Variants in ELMO1 observed in about 807,000 individuals in gnomAD.
The protein encoded by ELMO1 is engulfment and cell motility 1.
A neutral mutation model predicts 98.9 loss-of-function variants in ELMO1; 26 were observed. The ratio of observed to expected loss-of-function variants is 0.26; its 90% confidence interval spans 0.19 to 0.36. The LOEUF is 0.36. Among genes scored for constraint, ELMO1 ranks in the 10% least tolerant of loss-of-function variants. The pLI, the probability that ELMO1 is intolerant of heterozygous loss-of-function variation, is 1.00. For missense variants in ELMO1, 627 were observed against 935.2 expected, an observed-to-expected ratio of 0.67 and a Z score of 4.30; for synonymous variants, 346 against 346.0, an observed-to-expected ratio of 1.00 and a Z score of 0.00.
At chr7:37,251,091 T>G (rs917501001) in intron 6 of ELMO1, among the ~76,000 whole-genome samples, 1 of 152,218 alleles carries the variant, frequency 6.6e-6, no homozygotes, top group South Asian at 2.1e-4. Context: ...AAGACTGTGG[T>G]GTTTTATTAA....
chr7:37,440,433 C>G (rs550674248), intron 1 of ELMO1, among the ~76,000 whole-genome samples: 1 of 137,598 alleles, frequency 7.3e-6, no homozygotes, highest in South Asian at 2.3e-4. Context: ...CAGAGCAAGA[C>G]TCTAGCTCAA....
At chr7:37,111,494 T>C (rs1352306735) in intron 14 of ELMO1, among the ~76,000 whole-genome samples, 1 of 152,116 alleles carries the variant, frequency 6.6e-6, no homozygotes, top group Non-Finnish European at 1.5e-5. Context: ...AATGCTGCAA[T>C]ACTAATCAGA....
At chr7:37,106,084 G>T (rs1170549724) in intron 14 of ELMO1, among the ~76,000 whole-genome samples, 1 of 152,168 alleles carries the variant, frequency 6.6e-6, no homozygotes, top group Non-Finnish European at 1.5e-5. Context: ...ATTATCATGT[G>T]CAAACTCTCA....
intron 20 of ELMO1, among the ~76,000 whole-genome samples, chr7:36,868,329 T>G (rs533319770): frequency 3.8e-4 from 39 of 103,614 alleles, no homozygotes; most frequent in South Asian, 2.6e-3. Flanking sequence ...TTGTTCTGCT[T>G]CTTCTTCTTC....
At chr7:37,380,551 C>T (rs536711330) in intron 1 of ELMO1, among the ~76,000 whole-genome samples, 21 of 152,220 alleles carry the variant, frequency 1.4e-4, no homozygotes, top group African/African-American at 4.6e-4. Context: ...TGTTACTTTC[C>T]GAAGCTGATA....
At chr7:37,366,902 T>C (rs186383768) in intron 1 of ELMO1, among the ~76,000 whole-genome samples, 1 of 152,242 alleles carries the variant, frequency 6.6e-6, no homozygotes, top group Non-Finnish European at 1.5e-5. Context: ...AGAAATCAGA[T>C]AACAGACTGA....
At chr7:37,349,450 T>A (rs576947072) in intron 1 of ELMO1, among the ~76,000 whole-genome samples, 2 of 152,120 alleles carry the variant, frequency 1.3e-5, no homozygotes, top group East Asian at 3.9e-4. Flanking sequence ...AGTCTTCACT[T>A]TTTTTTTCTT....
At chr7:37,438,646 T>C (rs1805263982) in intron 1 of ELMO1, among the ~76,000 whole-genome samples, 1 of 151,812 alleles carries the variant, frequency 6.6e-6, no homozygotes, top group Admixed American at 6.6e-5. Flanking sequence ...TCAATAATAA[T>C]AGCAAATCCA....
At chr7:37,285,879 C>T (rs1399777418) in intron 4 of ELMO1, among the ~76,000 whole-genome samples, 1 of 152,114 alleles carries the variant, frequency 6.6e-6, no homozygotes, top group Non-Finnish European at 1.5e-5. Flanking sequence ...GCCCTTCCCA[C>T]TGCCAGCAGT....
intron 6 of ELMO1, among the ~76,000 whole-genome samples, chr7:37,253,267 C>T (rs1353917455): frequency 6.6e-6 from 1 of 152,208 alleles, no homozygotes; most frequent in Non-Finnish European, 1.5e-5. Context: ...ACTGTAAAGA[C>T]ACATGCACAC....
At chr7:37,077,019 TA>T (rs1438471918) in intron 15 of ELMO1, among the ~76,000 whole-genome samples, 1 of 152,220 alleles carries the variant, frequency 6.6e-6, no homozygotes, top group Admixed American at 6.5e-5. Flanking sequence ...TTTAACTTTC[TA>T]ACAAAACTGT....
chr7:37,361,376 G>A (rs76052164), intron 1 of ELMO1, among the ~76,000 whole-genome samples: 1,592 of 152,246 alleles, frequency 0.01, 25 homozygotes, highest in African/African-American at 0.036. Flanking sequence ...ATCAGATATT[G>A]GCACACTCTA....
intron 2 of ELMO1, among the ~76,000 whole-genome samples, chr7:37,324,083 C>T (rs1026437391): frequency 3.3e-5 from 5 of 152,194 alleles, no homozygotes; most frequent in Non-Finnish European, 5.9e-5. Context: ...CAGGAGACCC[C>T]CCAGCTGTCA....
At chr7:37,137,430 G>A (rs955943094) in intron 13 of ELMO1, among the ~76,000 whole-genome samples, 1 of 152,080 alleles carries the variant, frequency 6.6e-6, no homozygotes, top group South Asian at 2.1e-4. Context: ...GGACTTAATG[G>A]ATATTTACAG....
intron 14 of ELMO1, among the ~76,000 whole-genome samples, chr7:37,106,620 T>A (rs1305123775): frequency 6.7e-6 from 1 of 149,248 alleles, no homozygotes; most frequent in African/African-American, 2.6e-5. Context: ...ACTACAGGTG[T>A]TGAAATGGCT....
At chr7:37,335,120 C>T (rs1292165899) in intron 2 of ELMO1, among the ~76,000 whole-genome samples, 1 of 151,986 alleles carries the variant, frequency 6.6e-6, no homozygotes, top group Non-Finnish European at 1.5e-5. Flanking sequence ...ATGTAAATTA[C>T]GTTACGTGTG....
chr7:36,973,932 C>G (rs1459996531), intron 16 of ELMO1, among the ~76,000 whole-genome samples: 1 of 152,238 alleles, frequency 6.6e-6, no homozygotes, highest in African/African-American at 2.4e-5. Context: ...GCCAGCCCAC[C>G]GGCGCTGAGC....
chr7:37,072,601 C>T (rs746739866), intron 15 of ELMO1, among the ~76,000 whole-genome samples: 3 of 152,110 alleles, frequency 2.0e-5, no homozygotes, highest in Non-Finnish European at 4.4e-5. Flanking sequence ...CAGTAAACTA[C>T]GTAAGTAAAA....
chr7:37,076,231 CCAGTT>C (rs1797572516), intron 15 of ELMO1, among the ~76,000 whole-genome samples: 1 of 152,184 alleles, frequency 6.6e-6, no homozygotes, highest in South Asian at 2.1e-4. Context: ...CTGCCTCCTT[CCAGTT>C]ATTTTTTTTC....
Sources: gnomAD v4.1 joint callset for allele counts (sites outside exome capture counted in the v4.1 genomes callset) on GRCh38, gnomAD v4.1.1 for gene constraint, MANE v1.5 for transcripts, NCBI Gene and HGNC (gene_info 2026-07-23, HGNC 2026-07-21) for gene names.